MINDY2: variants seen among roughly 807,000 people sequenced by gnomAD.
The protein encoded by MINDY2 is ubiquitin carboxyl-terminal hydrolase MINDY-2.
A neutral mutation model predicts 68.2 loss-of-function variants in MINDY2; 52 were observed. The observed-to-expected ratio is 0.76, with a 90% CI of 0.61 to 0.96. The LOEUF is 0.96. Ranked by LOEUF, MINDY2 falls within the 40% of genes least tolerant of loss-of-function variation. The pLI is 0.00. For synonymous variants in MINDY2, 372 were observed against 303.0 expected (o/e 1.23, Z -2.36); for missense variants, 881 against 773.4 (o/e 1.14, Z -1.65).
intron 2 of MINDY2, among the ~76,000 whole-genome samples, chr15:58,794,349 T>A (rs1374660232): frequency 1.5e-5 from 2 of 132,060 alleles, no homozygotes; most frequent in Admixed American, 1.7e-4. Context: ...GAATAAAAGT[T>A]TTTTTTGGGG....
At chr15:58,824,792 C>CCT (rs10699783) in intron 5 of MINDY2, among the ~76,000 whole-genome samples, 38,613 of 151,340 alleles carry the variant, frequency 0.26, 5,341 homozygotes, top group East Asian at 0.61. Context: ...GCCTCAGCCT[C>CCT]CTGAGTAGCT....
chr15:58,792,753 G>A (rs950963789), intron 2 of MINDY2, among the ~76,000 whole-genome samples: 1 of 152,204 alleles, frequency 6.6e-6, no homozygotes, highest in African/African-American at 2.4e-5. Flanking sequence ...TATGAAGTAC[G>A]AATACATGCT....
At chr15:58,823,367 G>A (rs1303277596) in intron 5 of MINDY2, among the ~76,000 whole-genome samples, 3 of 151,848 alleles carry the variant, frequency 2.0e-5, no homozygotes, top group African/African-American at 7.3e-5. Flanking sequence ...TCTACTTGCA[G>A]TAAACATATA....
At chr15:58,782,911 G>GTTTTTTGTTTTTTTTT in intron 1 of MINDY2, among the ~76,000 whole-genome samples, 1 of 64,494 alleles carries the variant, frequency 1.6e-5, no homozygotes, top group Admixed American at 2.9e-4. Flanking sequence ...TTTTCTCTCT[G>GTTTTTTGTTTTTTTTT]TTTTTTTTTT....
Position 58,816,343 on chromosome 15 carries a change from T to C in MINDY2, c.1123-5374T>C, listed in dbSNP as rs549343971. On this transcript the variant is annotated intron_variant, in intron 4 of 8. Coordinates refer to ENST00000559228, the MANE Select transcript of MINDY2 (RefSeq NM_001040450.3). ...GCAGATCAATGCCAGATAATTTAGA[T>C]TGTGAAGAATGACAGTCTGAGGAAT... Among the ~76,000 whole-genome samples the C allele has an allele frequency of 1.4e-3, 219 of 152,350 alleles. 1 individual carries two copies. Among genetic ancestry groups the C allele is most frequent in the African/African-American group, 4.9e-3 (202 of 41,588 alleles).
intron 3 of MINDY2, among the ~76,000 whole-genome samples, chr15:58,809,282 A>ATT (rs2030053177): frequency 6.6e-6 from 1 of 151,956 alleles, no homozygotes; most frequent in Non-Finnish European, 1.5e-5. Flanking sequence ...TGTTTTTATG[A>ATT]TTTTGATGAC....
chr15:58,836,162 G>A (rs529172140), intron 6 of MINDY2, among the ~76,000 whole-genome samples: 132 of 152,008 alleles, frequency 8.7e-4, no homozygotes, highest in African/African-American at 2.9e-3. Context: ...TGCCTGCCTC[G>A]GCCTCCCAAA....
At chr15:58,791,078 G>A (rs1442010183) in intron 2 of MINDY2, among the ~76,000 whole-genome samples, 2 of 150,262 alleles carry the variant, frequency 1.3e-5, no homozygotes, top group African/African-American at 2.4e-5. Flanking sequence ...TACTCGGGAG[G>A]CTGAGGCAGG....
chr15:58,856,394 T>C lies in MINDY2; in HGVS notation c.*1784T>C, dbSNP rs1215362591. 1 of 152,618 alleles carries C rather than the reference T, an allele frequency of 6.6e-6. No homozygotes were observed. The highest frequency in any genetic ancestry group is 1.5e-5 in the Non-Finnish European group (1 of 68,030). The allele number at this position is 152,618 out of a possible 1,614,324, so 9.5% of individuals were successfully genotyped here. On this transcript the variant is annotated 3_prime_UTR_variant, in exon 9 of 9. Coordinates refer to ENST00000559228, the MANE Select transcript of MINDY2 (RefSeq NM_001040450.3). Reference sequence around the variant, plus strand: ...ATCTGTATGTAAAAATAGAGTCTTATTTATGGAAGGAATTATTCTAAGGGA... The same window carrying C: ...ATCTGTATGTAAAAATAGAGTCTTACTTATGGAAGGAATTATTCTAAGGGA...
At chr15:58,833,448 G>A (rs2031840828) in intron 6 of MINDY2, among the ~76,000 whole-genome samples, 1 of 152,180 alleles carries the variant, frequency 6.6e-6, no homozygotes, top group South Asian at 2.1e-4. Flanking sequence ...AAAGAAAAAA[G>A]GGGGCCCAGG....
At chr15:58,784,396 C>T (rs1372715429) in intron 1 of MINDY2, among the ~76,000 whole-genome samples, 1 of 151,894 alleles carries the variant, frequency 6.6e-6, no homozygotes, top group Non-Finnish European at 1.5e-5. Context: ...AGGACATTTT[C>T]CTAGATAATA....
intron 4 of MINDY2, among the ~76,000 whole-genome samples, chr15:58,814,618 C>T (rs201918466): frequency 7.4e-6 from 1 of 134,364 alleles, no homozygotes; most frequent in African/African-American, 2.9e-5. Flanking sequence ...GGCTCAAACC[C>T]TCCTCAGCCT....
In MINDY2 at chr15:58,782,911, G is replaced by GTTTTTTTTTTTTTTTTTTTTTTTTTT. The variant is rs1157376592; in HGVS notation, c.841-4994_841-4969dup. 9.3e-5 allele frequency among the ~76,000 whole-genome samples: 6 copies of GTTTTTTTTTTTTTTTTTTTTTTTTTT among 64,494 alleles called. 1 individual carries two copies. Among genetic ancestry groups the GTTTTTTTTTTTTTTTTTTTTTTTTTT allele is most frequent in the African/African-American group, 5.9e-5 (1 of 16,854 alleles). The allele number at this position is 64,494 out of a possible 152,430, so 42.3% of individuals were successfully genotyped here. A position where few individuals can be genotyped will look rare whatever the true frequency, so the allele number is the denominator to read the frequency against. ...TCAATATATTTAATTTTTTCTCTCT[G>GTTTTTTTTTTTTTTTTTTTTTTTTTT]TTTTTTTTTTTTTTTTTTTTTTTTT... is the stretch of plus-strand genomic sequence containing the variant. On this transcript the variant is annotated intron_variant, in intron 1 of 8. Transcript: ENST00000559228.
chr15:58,808,740 G>T (rs546116), intron 3 of MINDY2, among the ~76,000 whole-genome samples: 1,927 of 152,212 alleles, frequency 0.013, 37 homozygotes, highest in African/African-American at 0.037. Context: ...GAGTAGCTGG[G>T]ACTACAGGTG....
intron 5 of MINDY2, among the ~76,000 whole-genome samples, chr15:58,828,763 A>G (rs1334731376): frequency 2.6e-5 from 4 of 151,856 alleles, no homozygotes; most frequent in African/African-American, 9.7e-5. Context: ...GGGTTTCACC[A>G]GGTAAGTCAG....
At chr15:58,809,216 A>C (rs1165573440) in intron 3 of MINDY2, among the ~76,000 whole-genome samples, 1 of 152,122 alleles carries the variant, frequency 6.6e-6, no homozygotes, top group Non-Finnish European at 1.5e-5. Flanking sequence ...TATATTCATC[A>C]AACAACCCCC....
intron 4 of MINDY2, among the ~76,000 whole-genome samples, chr15:58,817,129 CTG>C (rs1197035928): frequency 2.6e-5 from 4 of 152,128 alleles, no homozygotes; most frequent in African/African-American, 9.7e-5. Context: ...TACCTTAAAA[CTG>C]AGAATTTGTG....
rs553295435 is a variant in MINDY2, at chr15:58,771,333, C to T, written c.-63C>T. On this transcript the variant is annotated 5_prime_UTR_variant, in exon 1 of 9. Coordinates refer to ENST00000559228, the MANE Select transcript of MINDY2 (RefSeq NM_001040450.3). ...GCTGCCAATACAGCTGTCATGGCGT[C>T]CAAGGCGCTGGCTGCGGAGAAGTGG... is the stretch of plus-strand genomic sequence containing the variant. 1 of 1,547,884 alleles carries T rather than the reference C, an allele frequency of 6.5e-7. No homozygotes were observed. The highest frequency in any genetic ancestry group is 1.4e-5 in the African/African-American group (1 of 73,376).
At chr15:58,772,906 G>A (rs1391176954) in intron 1 of MINDY2, among the ~76,000 whole-genome samples, 2 of 152,120 alleles carry the variant, frequency 1.3e-5, no homozygotes, top group African/African-American at 2.4e-5. Context: ...AATGTGTTAA[G>A]GGAGCTAAAA....
Sources: gnomAD v4.1 joint callset for allele counts (sites outside exome capture counted in the v4.1 genomes callset) on GRCh38, gnomAD v4.1.1 for gene constraint, MANE v1.5 for transcripts, NCBI Gene and HGNC (gene_info 2026-07-23, HGNC 2026-07-21) for gene names.